The following PPARGC1B variants were observed in gnomAD, a reference collection of about 807,000 sequenced individuals.
PPARGC1B encodes the protein PPARG coactivator 1 beta, also known as peroxisome proliferator-activated receptor gamma coactivator 1-beta.
A neutral mutation model predicts 101.6 loss-of-function variants in PPARGC1B; 34 were observed. The ratio of observed to expected loss-of-function variants is 0.33; its 90% CI spans 0.25 to 0.45. The LOEUF (loss-of-function observed/expected upper bound fraction) is 0.45. PPARGC1B is among the 20% of genes least tolerant of loss of function. The pLI is 1.00. For synonymous variants in PPARGC1B, 548 were observed against 539.3 expected (o/e 1.02, Z -0.22); for missense variants, 1,234 against 1,317.6 (o/e 0.94, Z 0.98).
chr5:149,767,500 C>T (rs1034910725), intron 1 of PPARGC1B, among the ~76,000 whole-genome samples: 2 of 152,110 alleles, frequency 1.3e-5, no homozygotes, highest in East Asian at 1.9e-4. Context: ...GACATGGGGT[C>T]TCAGAGTAAG....
At chr5:149,781,204 CAAA>C (rs35016517) in intron 1 of PPARGC1B, among the ~76,000 whole-genome samples, 5 of 121,648 alleles carry the variant, frequency 4.1e-5, no homozygotes, top group South Asian at 2.7e-4. Flanking sequence ...GACTTCATCT[CAAA>C]AAAAAAAAAA....
intron 1 of PPARGC1B, among the ~76,000 whole-genome samples, chr5:149,757,132 A>G (rs1429339662): frequency 6.6e-6 from 1 of 152,212 alleles, no homozygotes; most frequent in Non-Finnish European, 1.5e-5. Flanking sequence ...TTATGCTAGA[A>G]AGTGCGGTCC....
At chr5:149,793,814 C>G (rs975416820) in intron 1 of PPARGC1B, among the ~76,000 whole-genome samples, 3 of 152,188 alleles carry the variant, frequency 2.0e-5, no homozygotes, top group Non-Finnish European at 4.4e-5. Context: ...GACGCTCAGA[C>G]GGACCAGCCT....
chr5:149,856,771 CT>C (rs562000427), downstream of PPARGC1B, among the ~76,000 whole-genome samples: 14,423 of 128,950 alleles, frequency 0.11, 862 homozygotes, highest in African/African-American at 0.22. Context: ...AGCTGCTTGG[CT>C]TTTTTTTTTT....
At chr5:149,757,907 C>G (rs941623691) in intron 1 of PPARGC1B, among the ~76,000 whole-genome samples, 37 of 152,234 alleles carry the variant, frequency 2.4e-4, no homozygotes, top group African/African-American at 8.4e-4. Flanking sequence ...CCCCATTCCC[C>G]TGGGAGGCAT....
At chr5:149,827,876 G>T (rs1048327668) in intron 3 of PPARGC1B, among the ~76,000 whole-genome samples, 4 of 152,374 alleles carry the variant, frequency 2.6e-5, no homozygotes, top group Non-Finnish European at 5.9e-5. Flanking sequence ...CTGTCCTGGA[G>T]TGTGAAGTCT....
At chr5:149,823,940 T>G (rs1758403537) in intron 2 of PPARGC1B, among the ~76,000 whole-genome samples, 1 of 152,226 alleles carries the variant, frequency 6.6e-6, no homozygotes, top group Admixed American at 6.5e-5. Flanking sequence ...TACCCCTGAC[T>G]CACTGTGTGA....
At chr5:149,789,294 AAAAG>A (rs1756926241) in intron 1 of PPARGC1B, among the ~76,000 whole-genome samples, 1 of 152,198 alleles carries the variant, frequency 6.6e-6, no homozygotes, top group Non-Finnish European at 1.5e-5. Context: ...CTTAGGGCTC[AAAAG>A]AAAGACAAAT....
At position 149,833,162 on chromosome 5, in the gene PPARGC1B, G is replaced by A. The variant is rs779075175; in HGVS notation, c.1089G>A (p.Thr363=). ...TCAGCAAACCCTACCGTCTGGCCAC[G>A]CCTGTTTATGCCTCCCTCACACCTC... The part of the protein sequence containing the change: ...CDVSKPYRLA[T]PVYASLTPRS... The change falls in exon 5 of 12, where the codon ACG becomes ACA. Residue 363 remains threonine, a synonymous_variant. Transcript: ENST00000309241. This position sits in a 1 kb window ranked among gnomAD's most constrained non-coding sequence, Gnocchi z 4.1. 3.2e-5 allele frequency: 51 copies of A among 1,613,442 alleles called. No individual in the cohort carries two copies. Among genetic ancestry groups the A allele is most frequent in the South Asian group, 4.4e-5 (4 of 91,084 alleles).
At chr5:149,828,005 T>A (rs1454061498) in intron 3 of PPARGC1B, among the ~76,000 whole-genome samples, 3 of 151,886 alleles carry the variant, frequency 2.0e-5, no homozygotes, top group African/African-American at 7.3e-5. Context: ...TTATGGAGAG[T>A]TTGAGCTGGA....
In PPARGC1B at chr5:149,847,706, A is replaced by T; in HGVS notation, c.*148A>T. The T allele has an allele frequency of 3.8e-6, 2 of 523,680 alleles. No homozygotes were observed. Among genetic ancestry groups the T allele is most frequent in the Non-Finnish European group, 6.8e-6 (2 of 294,448 alleles). 32.4% of individuals were successfully genotyped at this position (523,680 alleles called of 1,614,324 possible). A position where few individuals can be genotyped will look rare whatever the true frequency, so the allele number is the denominator to read the frequency against. ...AGAGACTTGAAACTGCTGTCCTTTA[A>T]AAAAAAAAAAAATCAATGTTTACAT... On this transcript the variant is annotated 3_prime_UTR_variant, in exon 12 of 12. Transcript: ENST00000309241.
chr5:149,781,658 G>A (rs1756605674), intron 1 of PPARGC1B, among the ~76,000 whole-genome samples: 1 of 152,182 alleles, frequency 6.6e-6, no homozygotes, highest in South Asian at 2.1e-4. Flanking sequence ...GACCTGATCT[G>A]CTGAGCTAAA....
intron 6 of PPARGC1B, 34 bp downstream of exon 6, chr5:149,834,744 ATG>A: frequency 6.3e-7 from 1 of 1,597,646 alleles, no homozygotes; most frequent in Non-Finnish European, 8.6e-7. Flanking sequence ...GTATTGTTCC[ATG>A]AGATTTTGTC....
rs778036570 is a variant in PPARGC1B at position 149,836,766 on chromosome 5, C to T, written c.2311C>T (p.Leu771=). The part of the protein sequence containing the change: ...RASLTKHFGL[L]ETALEEEDLA... ...CAGCCTCACCAAACACTTTGGGCTG[C>T]TGGAGACCGCCCTGGAGGAGGAAGA... The change falls in exon 8 of 12, where the codon CTG becomes TTG. Residue 771 remains leucine (L), a synonymous_variant. Transcript: ENST00000309241. 1.2e-6 allele frequency: 2 copies of T among 1,613,708 alleles called. No individual in the cohort carries two copies. Among genetic ancestry groups the T allele is most frequent in the Non-Finnish European group, 1.7e-6 (2 of 1,180,036 alleles).
chr5:149,732,577 G>A (rs1028902782), intron 1 of PPARGC1B, among the ~76,000 whole-genome samples: 13 of 152,234 alleles, frequency 8.5e-5, no homozygotes, highest in East Asian at 7.7e-4. Context: ...GTTAATCTGG[G>A]ACATTTGCTT....
intron 2 of PPARGC1B, among the ~76,000 whole-genome samples, chr5:149,823,782 G>A (rs1263723945): frequency 6.6e-6 from 1 of 152,094 alleles, no homozygotes; most frequent in Non-Finnish European, 1.5e-5. Context: ...GGTGGGGAGA[G>A]GTCGGGAGAA....
At chr5:149,829,790 C>T (rs1394799923) in intron 3 of PPARGC1B, among the ~76,000 whole-genome samples, 6 of 151,606 alleles carry the variant, frequency 4.0e-5, no homozygotes, top group African/African-American at 1.2e-4. Context: ...AATCTCAGCA[C>T]TTTGGGAGGC....
Position 149,833,722 on chromosome 5 carries a change from A to G in PPARGC1B, c.1649A>G (p.Glu550Gly). The change falls in exon 5 of 12, where the codon GAG becomes GGG. Residue 550 changes from glutamate to glycine, a missense_variant. Glu to Gly is a moderately conservative substitution (Grantham distance 98). This residue lies in a region of PPARGC1B where 734 missense variants were observed against 768.4 expected (regional missense o/e 0.96). Coordinates refer to ENST00000309241, the MANE Select transcript of PPARGC1B (RefSeq NM_133263.4). The surrounding 1 kb of genome is among the most constrained non-coding windows in gnomAD (Gnocchi z 4.1). Reference sequence around the variant, plus strand: ...ATCCCTGCCCTGGAGAGCCCCTGTGAGAGTGGGTGTGGGGACATGGATGAG... The same window carrying G: ...ATCCCTGCCCTGGAGAGCCCCTGTGGGAGTGGGTGTGGGGACATGGATGAG... ...PQIPALESPC[E>G]SGCGDMDEDP... 1 of 1,597,970 alleles carries G rather than the reference A, an allele frequency of 6.3e-7. No homozygotes were observed. Among genetic ancestry groups the G allele is most frequent in the Non-Finnish European group, 8.5e-7 (1 of 1,174,764 alleles).
intron 1 of PPARGC1B, among the ~76,000 whole-genome samples, chr5:149,771,509 G>T (rs1195507405): frequency 6.6e-6 from 1 of 152,222 alleles, no homozygotes; most frequent in Admixed American, 6.5e-5. Flanking sequence ...GGGCTATGGA[G>T]ATATTCTAGT....
Sources: allele counts gnomAD v4.1 joint callset (sites outside exome capture counted in the v4.1 genomes callset), GRCh38; gene constraint gnomAD v4.1.1; regional missense constraint gnomAD v4.1.1; non-coding constraint Gnocchi (gnomAD v3.1); transcripts MANE v1.5; gene names NCBI Gene and HGNC (gene_info 2026-07-23, HGNC 2026-07-21).